Variants in KDM4C observed in about 807,000 individuals in gnomAD.
The protein encoded by KDM4C is lysine demethylase 4C, also known as lysine-specific demethylase 4C.
A neutral mutation model predicts 129.3 loss-of-function variants in KDM4C; 81 were observed. The observed-to-expected ratio is 0.63, with a 90% CI of 0.52 to 0.75. The LOEUF is 0.75. Ranked by LOEUF, KDM4C falls within the 30% of genes least tolerant of loss-of-function variation. The pLI is 0.00. For missense variants in KDM4C, 1,457 were observed against 1,304.0 expected (o/e 1.12, Z -1.81); for synonymous variants, 573 against 456.1 (o/e 1.26, Z -3.26).
chr9:6,992,104 T>G (rs1818860423), intron 12 of KDM4C, among the ~76,000 whole-genome samples: 1 of 152,138 alleles, frequency 6.6e-6, no homozygotes, highest in Admixed American at 6.5e-5. Context: ...GTAAAGTAAT[T>G]AATACTTAAT....
At chr9:7,031,621 A>G (rs1035418862) in intron 15 of KDM4C, among the ~76,000 whole-genome samples, 1 of 152,166 alleles carries the variant, frequency 6.6e-6, no homozygotes, top group Non-Finnish European at 1.5e-5. Context: ...ACATATATAC[A>G]CACACAGATA....
chr9:6,786,322 T>C (rs1253764255), intron 1 of KDM4C, among the ~76,000 whole-genome samples: 1 of 152,156 alleles, frequency 6.6e-6, no homozygotes, highest in African/African-American at 2.4e-5. Context: ...CAAACATGGG[T>C]TGTTATATGA....
intron 20 of KDM4C, among the ~76,000 whole-genome samples, chr9:7,169,268 C>T (rs908940676): frequency 3.3e-5 from 5 of 152,092 alleles, no homozygotes; most frequent in African/African-American, 1.2e-4. Flanking sequence ...TTTTCATATC[C>T]TGTATTCCAA....
chr9:6,896,458 C>G (rs766914465), intron 8 of KDM4C, among the ~76,000 whole-genome samples: 3 of 150,276 alleles, frequency 2.0e-5, no homozygotes, highest in Admixed American at 1.3e-4. Flanking sequence ...TATATGTAAT[C>G]ACAAACACTA....
intron 8 of KDM4C, among the ~76,000 whole-genome samples, chr9:6,909,841 G>A (rs1259501436): frequency 1.3e-5 from 2 of 152,166 alleles, no homozygotes; most frequent in Non-Finnish European, 2.9e-5. Context: ...ATATAGGGGA[G>A]TATTTATTTG....
intron 17 of KDM4C, among the ~76,000 whole-genome samples, chr9:7,082,810 A>C (rs978801965): frequency 1.3e-5 from 2 of 152,248 alleles, no homozygotes; most frequent in Non-Finnish European, 2.9e-5. Flanking sequence ...AGCTGACAAA[A>C]GGGACTTATG....
chr9:6,823,707 C>T (rs1267396413), intron 4 of KDM4C, among the ~76,000 whole-genome samples: 2 of 152,184 alleles, frequency 1.3e-5, no homozygotes, highest in East Asian at 1.9e-4. Context: ...GCTATGAGTC[C>T]ACTGCAAAAG....
At chr9:7,031,462 G>GT (rs1348572918) in intron 15 of KDM4C, among the ~76,000 whole-genome samples, 10 of 152,124 alleles carry the variant, frequency 6.6e-5, no homozygotes, top group Middle Eastern at 3.4e-3. Flanking sequence ...CACCTGGCCA[G>GT]TTTTTTTAAA....
chr9:6,785,309 T>C (rs1424838196), intron 1 of KDM4C, among the ~76,000 whole-genome samples: 6 of 151,932 alleles, frequency 3.9e-5, no homozygotes, highest in Non-Finnish European at 7.4e-5. Context: ...CACATGGCAC[T>C]CTTTCCTGTG....
At chr9:6,867,524 A>C (rs1842231283) in intron 5 of KDM4C, among the ~76,000 whole-genome samples, 1 of 152,226 alleles carries the variant, frequency 6.6e-6, no homozygotes, top group South Asian at 2.1e-4. Flanking sequence ...TGATATGGGC[A>C]GACAGCTTTA....
At chr9:7,096,876 T>C (rs759594430) in intron 17 of KDM4C, among the ~76,000 whole-genome samples, 2 of 152,106 alleles carry the variant, frequency 1.3e-5, no homozygotes, top group African/African-American at 4.8e-5. Flanking sequence ...ACCTAAAAAT[T>C]AGCTGCTACT....
intron 12 of KDM4C, among the ~76,000 whole-genome samples, chr9:7,010,823 C>T (rs915304192): frequency 1.3e-4 from 20 of 152,108 alleles, no homozygotes; most frequent in African/African-American, 4.6e-4. Flanking sequence ...GTGGGTGGAT[C>T]ACCTGAGGTC....
At position 6,937,558 on chromosome 9, in the gene KDM4C, A is replaced by G. The variant is rs113035950; in HGVS notation, c.922-43367A>G. Among the ~76,000 whole-genome samples the G allele has an allele frequency of 2.1e-3, 315 of 152,198 alleles. 2 individuals are homozygous for G. The highest frequency in any genetic ancestry group is 7.2e-3 in the African/African-American group (300 of 41,520). On this transcript the variant is annotated intron_variant, in intron 8 of 21. Transcript: ENST00000381309. Reference sequence around the variant, plus strand: ...ATCTTATTGGATATTAACCTCTTTGATAGCAAACAAGCCATTCTTACCTGT... The same window carrying G: ...ATCTTATTGGATATTAACCTCTTTGGTAGCAAACAAGCCATTCTTACCTGT...
intron 8 of KDM4C, among the ~76,000 whole-genome samples, chr9:6,972,535 C>T (rs1182500388): frequency 6.6e-6 from 1 of 152,076 alleles, no homozygotes; most frequent in Admixed American, 6.6e-5. Flanking sequence ...GAAAATGCCA[C>T]CAGTTGTGGT....
chr9:6,877,883 CG>C (rs917889859), intron 5 of KDM4C, among the ~76,000 whole-genome samples: 13 of 152,292 alleles, frequency 8.5e-5, no homozygotes, highest in South Asian at 6.2e-4. Flanking sequence ...GTCAGACCCT[CG>C]GGCAGGGTTT....
At chr9:6,986,788 G>T in intron 11 of KDM4C, 122 bp downstream of exon 11, 1 of 693,752 alleles carries the variant, frequency 1.4e-6, no homozygotes, top group Non-Finnish European at 2.4e-6. Flanking sequence ...TACATTTATG[G>T]GTCTTAATCA....
chr9:7,043,657 C>G (rs1449994945), intron 15 of KDM4C, among the ~76,000 whole-genome samples: 1 of 151,400 alleles, frequency 6.6e-6, no homozygotes, highest in African/African-American at 2.4e-5. Context: ...AATGATGTAA[C>G]TTGACATGAC....
At chr9:6,850,744 A>G (rs1838691320) in intron 5 of KDM4C, among the ~76,000 whole-genome samples, 1 of 149,256 alleles carries the variant, frequency 6.7e-6, no homozygotes, top group African/African-American at 2.5e-5. Context: ...TGTATTTTTT[A>G]TTTTTTATTT....
intron 18 of KDM4C, among the ~76,000 whole-genome samples, chr9:7,113,278 G>T (rs1564134090): frequency 6.6e-6 from 1 of 152,206 alleles, no homozygotes; most frequent in Non-Finnish European, 1.5e-5. Flanking sequence ...ACTTATCCCA[G>T]ATGATAGAAA....
Sources: gnomAD v4.1 joint callset for allele counts (sites outside exome capture counted in the v4.1 genomes callset) on GRCh38, gnomAD v4.1.1 for gene constraint, MANE v1.5 for transcripts, NCBI Gene and HGNC (gene_info 2026-07-23, HGNC 2026-07-21) for gene names.